The following RP1 variants were observed in gnomAD, a reference collection of about 807,000 sequenced individuals.
RP1 encodes RP1 axonemal microtubule associated.
A neutral mutation model predicts 14.8 loss-of-function variants in RP1; 16 were observed. The ratio of observed to expected loss-of-function variants is 1.08; its 90% CI spans 0.73 to 1.65. The LOEUF is 1.65. Among genes scored for constraint, RP1 ranks in the 40% most tolerant of loss-of-function variants. The pLI is 0.00. For synonymous variants in RP1, 876 were observed against 883.6 expected (o/e 0.99, Z 0.15); for missense variants, 2,631 against 2,535.0 (o/e 1.04, Z -0.81).
rs374752501 is a variant in RP1 at position 54,703,934 on chromosome 8, A to C, written c.1998+2272A>C. Among the ~76,000 whole-genome samples, 16 of 152,248 alleles carry C rather than the reference A, an allele frequency of 1.1e-4. No individual in the cohort carries two copies. The East Asian group carries it at 1.2e-3, about 11-fold the overall frequency. Reference sequence around the variant, plus strand: ...TCCTCACCTCTCTCAGCCTTCATAGAATTGTAGAGAGTTAGGGCCTTGCTC... The same window carrying C: ...TCCTCACCTCTCTCAGCCTTCATAGCATTGTAGAGAGTTAGGGCCTTGCTC... On this transcript the variant is annotated intron_variant, in intron 14 of 22. Transcript: ENST00000636932.
chr8:54,837,719 G>T, intron 25 of RP1: 1 of 1,072,092 alleles, frequency 9.3e-7, no homozygotes, highest in South Asian at 4.8e-5. Context: ...TAAAATAATT[G>T]AGATGATTTA....
chr8:54,849,579 G>C (rs1403017737), intron 25 of RP1, among the ~76,000 whole-genome samples: 1 of 152,224 alleles, frequency 6.6e-6, no homozygotes, highest in African/African-American at 2.4e-5. Context: ...TTATGGAGCT[G>C]TTAATGCTTG....
chr8:54,632,175 A>T (rs1024355054), downstream of RP1, among the ~76,000 whole-genome samples: 39 of 152,156 alleles, frequency 2.6e-4, no homozygotes, highest in African/African-American at 8.9e-4. Flanking sequence ...ATTACCACTC[A>T]TTCTCTAGTG....
intron 24 of RP1, among the ~76,000 whole-genome samples, chr8:54,800,342 G>A (rs1032562463): frequency 2.0e-5 from 3 of 151,920 alleles, no homozygotes; most frequent in African/African-American, 7.2e-5. Context: ...GTATGGGTGT[G>A]TGTGTGTATT....
At chr8:54,844,548 CTGTGTGTGCATA>C (rs975493798) in intron 25 of RP1, among the ~76,000 whole-genome samples, 3 of 151,130 alleles carry the variant, frequency 2.0e-5, no homozygotes, top group Admixed American at 6.6e-5. Flanking sequence ...AAGCTTGCCT[CTGTGTGTGCATA>C]TGTGTGTGCA....
intron 24 of RP1, among the ~76,000 whole-genome samples, chr8:54,786,371 T>C (rs150003510): frequency 1.2e-3 from 184 of 152,244 alleles, no homozygotes; most frequent in African/African-American, 4.1e-3. Context: ...GATAAGTTGT[T>C]TATCTTCTGC....
intron 18 of RP1, among the ~76,000 whole-genome samples, chr8:54,735,106 T>A (rs558313397): frequency 6.6e-6 from 1 of 152,184 alleles, no homozygotes; most frequent in Non-Finnish European, 1.5e-5. Flanking sequence ...TGCATATACT[T>A]ATAGATGTTG....
chr8:54,573,346 C>A (rs117994106), intron 1 of RP1, among the ~76,000 whole-genome samples: 2 of 152,042 alleles, frequency 1.3e-5, no homozygotes, highest in Non-Finnish European at 2.9e-5. Context: ...GTTTTAAGGA[C>A]GCGAACATCA....
intron 1 of RP1, among the ~76,000 whole-genome samples, chr8:54,572,680 G>A (rs1030739790): frequency 3.5e-4 from 53 of 152,034 alleles, no homozygotes; most frequent in African/African-American, 1.3e-3. Context: ...CCTCTGCACG[G>A]AAGAAACATG....
At chr8:54,601,837 CA>C (rs1191380042) in intron 1 of RP1, among the ~76,000 whole-genome samples, 1 of 152,200 alleles carries the variant, frequency 6.6e-6, no homozygotes, top group Non-Finnish European at 1.5e-5. Flanking sequence ...CATAAAAGAT[CA>C]CATATGGCAT....
At chr8:54,672,764 A>G (rs1807206230) in intron 7 of RP1, among the ~76,000 whole-genome samples, 1 of 152,190 alleles carries the variant, frequency 6.6e-6, no homozygotes, top group South Asian at 2.1e-4. Context: ...TGAGTAAATT[A>G]TAGACATTTT....
At chr8:54,746,240 T>C (rs1473413230) in intron 19 of RP1, among the ~76,000 whole-genome samples, 3 of 152,218 alleles carry the variant, frequency 2.0e-5, no homozygotes, top group Non-Finnish European at 4.4e-5. Flanking sequence ...CAGATTAAAA[T>C]GGGTGAAAAC....
At chr8:54,622,309 T>C in intron 3 of RP1, 21 bp downstream of exon 3, 4 of 1,612,096 alleles carry the variant, frequency 2.5e-6, no homozygotes, top group Non-Finnish European at 3.4e-6. Context: ...TATTAATATA[T>C]AGCCCATATT....
chr8:54,649,027 A>T, exon 4 of RP1: 1 of 1,527,344 alleles, frequency 6.5e-7, no homozygotes, highest in Non-Finnish European at 8.7e-7. Flanking sequence ...GACTTGCCAG[A>T]TGCAGGGACC....
rs185199194 is a variant in RP1 at position 54,708,271 on chromosome 8, C to T, written c.2211+1616C>T. 1.2e-4 allele frequency among the ~76,000 whole-genome samples: 19 copies of T among 152,028 alleles called. No individual in the cohort carries two copies. In the East Asian group the frequency reaches 2.3e-3, roughly 19 times the overall value. ...CAACATTGGAAATGTTTATCTTCCCCGGGTAGTAACCAAAGGGATAGCTCA... is the reference window on the plus strand; with the variant it reads ...CAACATTGGAAATGTTTATCTTCCCTGGGTAGTAACCAAAGGGATAGCTCA... On this transcript the variant is annotated intron_variant, in intron 15 of 22. Transcript: ENST00000636932.
At chr8:54,695,590 C>A (rs1807840511) in intron 12 of RP1, among the ~76,000 whole-genome samples, 1 of 152,070 alleles carries the variant, frequency 6.6e-6, no homozygotes, top group Non-Finnish European at 1.5e-5. Context: ...ATTCTTAGAA[C>A]ATTTTCAGGA....
chr8:54,750,975 C>G lies in RP1; in HGVS notation c.2809-3828C>G, dbSNP rs569619512. On this transcript the variant is annotated intron_variant, in intron 19 of 22. Transcript: ENST00000636932. ...AGCGGTGGCAACCTGCTCGGGTACC[C>G]TTCCACTCTGTGGGTGCTTTGTTCT... is the stretch of plus-strand genomic sequence containing the variant. Among the ~76,000 whole-genome samples, 11 of 152,312 alleles carry G rather than the reference C, an allele frequency of 7.2e-5. No homozygotes were observed. In the South Asian group the frequency reaches 2.1e-3, roughly 29 times the overall value.
exon 16 of RP1, chr8:54,720,252 C>T (rs1043555814): frequency 6.5e-7 from 1 of 1,535,804 alleles, no homozygotes. Flanking sequence ...GCAGGCAAAA[C>T]CAATGATTTA....
At chr8:54,586,024 G>T (rs1267591737) in intron 1 of RP1, among the ~76,000 whole-genome samples, 1 of 152,230 alleles carries the variant, frequency 6.6e-6, no homozygotes, top group African/African-American at 2.4e-5. Flanking sequence ...GTCCAGCTTT[G>T]TTCCGTTGCA....
Sources: allele counts gnomAD v4.1 joint callset (sites outside exome capture counted in the v4.1 genomes callset), GRCh38; gene constraint gnomAD v4.1.1; transcripts MANE v1.5; gene names NCBI Gene and HGNC (gene_info 2026-07-23, HGNC 2026-07-21).